UBE2L3: variants seen among roughly 807,000 people sequenced by gnomAD.
UBE2L3 encodes ubiquitin conjugating enzyme E2 L3, also known as ubiquitin-conjugating enzyme E2 L3.
UBE2L3 carries 1 observed loss-of-function variant against 17.8 expected under a neutral mutation model. The ratio of observed to expected loss-of-function variants is 0.06; its 90% CI spans 0.02 to 0.27. UBE2L3 has a LOEUF of 0.27. UBE2L3 is among the 10% of genes least tolerant of loss of function. UBE2L3 has a pLI of 1.00. For missense variants in UBE2L3, 40 were observed against 192.6 expected, an observed-to-expected ratio of 0.21 and a Z score of 4.69; for synonymous variants, 44 against 68.5, an observed-to-expected ratio of 0.64 and a Z score of 1.76.
At chr22:21,616,650 T>G (rs1601444361) in intron 3 of UBE2L3, among the ~76,000 whole-genome samples, 1 of 132,914 alleles carries the variant, frequency 7.5e-6, no homozygotes, top group Non-Finnish European at 1.6e-5. Flanking sequence ...AGAGCGAGAC[T>G]CCATCTCCAA....
At chr22:21,593,526 A>T (rs1306435572) in intron 2 of UBE2L3, among the ~76,000 whole-genome samples, 1 of 151,506 alleles carries the variant, frequency 6.6e-6, no homozygotes, top group East Asian at 1.9e-4. Context: ...CCCATCTCAC[A>T]GTCTTCTGCC....
intron 2 of UBE2L3, among the ~76,000 whole-genome samples, chr22:21,598,354 A>G (rs548918931): frequency 7.9e-5 from 12 of 151,826 alleles, no homozygotes; most frequent in Non-Finnish European, 1.6e-4. Flanking sequence ...CCCTTTGAGC[A>G]CTACTTTTGC....
intron 1 of UBE2L3, among the ~76,000 whole-genome samples, chr22:21,556,360 A>G (rs111785544): frequency 0.065 from 9,841 of 151,378 alleles, 552 homozygotes; most frequent in African/African-American, 0.23. Context: ...ATGCCACTGC[A>G]CTCCAGCCTG....
rs144274238 is a variant in UBE2L3, at chr22:21,621,762, C to G, written c.*93C>G. The G allele has an allele frequency of 6.5e-6, 6 of 916,162 alleles. No homozygotes were observed. The highest frequency in any genetic ancestry group is 2.7e-5 in the East Asian group (1 of 36,718). 56.8% of individuals were successfully genotyped at this position (916,162 alleles called of 1,614,324 possible). A position where few individuals can be genotyped will look rare whatever the true frequency, so the allele number is the denominator to read the frequency against. On this transcript the variant is annotated 3_prime_UTR_variant, in exon 4 of 4. Transcript: ENST00000342192. ...AAGCAGGACTCTGTGGAAATTGACA[C>G]GTGCCACCGCCTGGCGTTCGCTTGT...
chr22:21,565,724 C>T (rs921349893), upstream of UBE2L3, among the ~76,000 whole-genome samples: 5 of 126,918 alleles, frequency 3.9e-5, no homozygotes, highest in African/African-American at 9.0e-5. Flanking sequence ...TTTTGCACTC[C>T]ACCCTGGGTG....
intron 2 of UBE2L3, among the ~76,000 whole-genome samples, chr22:21,609,517 G>A (rs1398790576): frequency 6.6e-6 from 1 of 152,012 alleles, no homozygotes; most frequent in Admixed American, 6.6e-5. Context: ...GACCAACCTG[G>A]ACAACATAGC....
intron 2 of UBE2L3, among the ~76,000 whole-genome samples, chr22:21,601,015 C>A (rs1432056354): frequency 6.6e-6 from 1 of 151,670 alleles, no homozygotes; most frequent in Non-Finnish European, 1.5e-5. Context: ...ACTAAAAATA[C>A]AAAAAATTAG....
At chr22:21,589,167 A>C in intron 1 of UBE2L3, among the ~76,000 whole-genome samples, 1 of 118,342 alleles carries the variant, frequency 8.5e-6, no homozygotes. Context: ...TTTTTTTGAG[A>C]CGGAGTCTCG....
intron 1 of UBE2L3, among the ~76,000 whole-genome samples, chr22:21,588,963 G>A (rs1453365218): frequency 6.6e-6 from 1 of 151,844 alleles, no homozygotes; most frequent in East Asian, 1.9e-4. Context: ...CACCCGGGCT[G>A]TATTTTTTTT....
intron 3 of UBE2L3, 89 bp downstream of exon 3, chr22:21,611,132 C>G (rs1350485832): frequency 7.2e-7 from 1 of 1,390,078 alleles, no homozygotes; most frequent in Non-Finnish European, 9.6e-7. Context: ...CAGACAGAAT[C>G]CAGAGAATCT....
chr22:21,562,168 AG>A (rs1926455718), intron 1 of UBE2L3, among the ~76,000 whole-genome samples: 1 of 149,134 alleles, frequency 6.7e-6, no homozygotes, highest in Admixed American at 6.7e-5. Context: ...CCTTGGGGGC[AG>A]GTGGTGCCTG....
intron 2 of UBE2L3, among the ~76,000 whole-genome samples, chr22:21,596,282 C>T (rs1209934518): frequency 6.6e-6 from 1 of 152,056 alleles, no homozygotes; most frequent in Admixed American, 6.5e-5. Flanking sequence ...CCCATTGCAG[C>T]CTTGAATTTC....
chr22:21,586,217 G>A (rs569043213), intron 1 of UBE2L3, among the ~76,000 whole-genome samples: 2 of 152,060 alleles, frequency 1.3e-5, no homozygotes, highest in African/African-American at 4.8e-5. Context: ...TTGGGATTAC[G>A]GGTGTGAGCC....
At chr22:21,593,231 T>G (rs991049132) in intron 2 of UBE2L3, among the ~76,000 whole-genome samples, 2 of 152,180 alleles carry the variant, frequency 1.3e-5, no homozygotes, top group African/African-American at 4.8e-5. Flanking sequence ...TCCTGCTCTT[T>G]CCTGACTTCC....
chr22:21,593,836 G>A (rs1025869262), intron 2 of UBE2L3, among the ~76,000 whole-genome samples: 1 of 152,030 alleles, frequency 6.6e-6, no homozygotes, highest in Non-Finnish European at 1.5e-5. Flanking sequence ...CCTGCCACTC[G>A]CTCCTGTTCT....
intron 2 of UBE2L3, among the ~76,000 whole-genome samples, chr22:21,594,309 A>T (rs1261349435): frequency 6.6e-6 from 1 of 151,760 alleles, no homozygotes; most frequent in Non-Finnish European, 1.5e-5. Context: ...GGTCATGAGC[A>T]TGGAGCATGC....
chr22:21,585,782 G>C (rs1927902697), intron 1 of UBE2L3, among the ~76,000 whole-genome samples: 1 of 152,144 alleles, frequency 6.6e-6, no homozygotes, highest in Non-Finnish European at 1.5e-5. Flanking sequence ...AGGCTGACTT[G>C]GTAGGATTCT....
chr22:21,613,659 C>A (rs1278406021), intron 3 of UBE2L3, among the ~76,000 whole-genome samples: 3 of 152,090 alleles, frequency 2.0e-5, no homozygotes, highest in Non-Finnish European at 2.9e-5. Flanking sequence ...AAAGTAATAC[C>A]AGTTTATTAG....
At chr22:21,598,997 G>A (rs904475612) in intron 2 of UBE2L3, among the ~76,000 whole-genome samples, 1 of 151,552 alleles carries the variant, frequency 6.6e-6, no homozygotes, top group South Asian at 2.1e-4. Context: ...ACACCACCAC[G>A]CTCGGCTAAT....
Sources: allele counts gnomAD v4.1 joint callset (sites outside exome capture counted in the v4.1 genomes callset), GRCh38; gene constraint gnomAD v4.1.1; transcripts MANE v1.5; gene names NCBI Gene and HGNC (gene_info 2026-07-23, HGNC 2026-07-21).